Variants in DCHS2 observed in about 807,000 individuals in gnomAD.
DCHS2 encodes protocadherin-23.
In DCHS2, 142 loss-of-function variants were observed where a neutral mutation model predicts 182.4. The ratio of observed to expected loss-of-function variants is 0.78; its 90% CI spans 0.68 to 0.89. DCHS2 has a LOEUF of 0.89. DCHS2 is among the 40% of genes least tolerant of loss of function. DCHS2 has a pLI of 0.00. For missense variants in DCHS2, 4,319 were observed against 4,198.6 expected, an observed-to-expected ratio of 1.03 and a Z score of -0.79; for synonymous variants, 1,740 against 1,663.3, an observed-to-expected ratio of 1.05 and a Z score of -1.12.
At chr4:154,447,919 C>T (rs867118364) in intron 1 of DCHS2, among the ~76,000 whole-genome samples, 5 of 152,196 alleles carry the variant, frequency 3.3e-5, no homozygotes. Context: ...TCCTACGTTT[C>T]TCTCCATGCA....
At chr4:154,472,756 C>A (rs1022062627) in intron 1 of DCHS2, among the ~76,000 whole-genome samples, 4 of 151,934 alleles carry the variant, frequency 2.6e-5, no homozygotes, top group Non-Finnish European at 5.9e-5. Context: ...CCACCCTGCC[C>A]ACAATACACA....
intron 1 of DCHS2, chr4:154,384,597 G>A (rs1190343512): frequency 6.9e-7 from 1 of 1,446,358 alleles, no homozygotes; most frequent in Non-Finnish European, 9.2e-7. Context: ...ACATGATTAA[G>A]TTGAGGATTT....
At chr4:154,478,243 G>C (rs7674707) in intron 1 of DCHS2, among the ~76,000 whole-genome samples, 139,517 of 152,230 alleles carry the variant, frequency 0.92, 65,188 homozygotes, top group East Asian at 1. Context: ...AAGTCTTAAT[G>C]ATCTGAATCT....
intron 1 of DCHS2, among the ~76,000 whole-genome samples, chr4:154,412,270 G>A (rs541909629): frequency 1.4e-4 from 22 of 152,144 alleles, no homozygotes; most frequent in Non-Finnish European, 2.4e-4. Flanking sequence ...CTCTCTGAGC[G>A]CAGAGCAAAA....
At position 154,269,903 on chromosome 4, in the gene DCHS2, A is replaced by G; in HGVS notation, c.6574T>C (p.Ser2192Pro). The change falls in exon 14 of 20, where the codon TCA becomes CCA. Residue 2192 changes from serine (S) to proline (P), a missense_variant. By Grantham distance (74) the Ser-to-Pro change is moderately conservative (BLOSUM62 -1). Coordinates refer to ENST00000357232, the MANE Select transcript of DCHS2 (RefSeq NM_001358235.2). ...EDGVLSLCSK[S>P]GQLTVKEPKF... ...GTATAGGGTAGAGAAGGATTACCTG[A>G]CTTAGAGCACAGGGAAAGAACTCCA... 2 of 1,611,132 alleles carry G rather than the reference A, an allele frequency of 1.2e-6. No individual in the cohort carries two copies. The highest frequency in any genetic ancestry group is 8.5e-7 in the Non-Finnish European group (1 of 1,178,756).
rs188743056 is a variant in DCHS2 at position 154,427,620 on chromosome 4, A to G, written c.2053-50176T>C. ...TTTTAACAGAGGTAGCATCTGAGTT[A>G]TGTCTTGAAAGATGGGAAAATTTAG... On this transcript the variant is annotated intron_variant, in intron 1 of 19. Transcript: ENST00000357232. 3.8e-3 allele frequency among the ~76,000 whole-genome samples: 572 copies of G among 152,356 alleles called. 5 individuals are homozygous for G. The highest frequency in any genetic ancestry group is 0.013 in the African/African-American group (547 of 41,576).
rs746855879 is a variant in DCHS2 at position 154,332,697 on chromosome 4, G to A, written c.3511C>T (p.Gln1171Ter). Residue 1171 changes from glutamine (Q) to a stop codon, truncating the protein, a stop_gained, in exon 5 of 20, where the codon CAA becomes TAA. Transcript: ENST00000357232. LOFTEE classifies it high-confidence loss of function. Reference protein sequence around the residue: ...FAWIPEDGFLQNVSTTVIVRV... With the variant: ...FAWIPEDGFL ...ACAATGACTGTAGTGCTCACATTTT[G>A]CAAGAATCCGTCCTCGGGGATCCAA... 1.2e-6 allele frequency: 2 copies of A among 1,614,218 alleles called. No individual in the cohort carries two copies. The highest frequency in any genetic ancestry group is 1.7e-6 in the Non-Finnish European group (2 of 1,180,034).
intron 1 of DCHS2, among the ~76,000 whole-genome samples, chr4:154,385,582 G>C (rs1731375468): frequency 6.6e-6 from 1 of 152,038 alleles, no homozygotes; most frequent in African/African-American, 2.4e-5. Flanking sequence ...CCGCCTCCTG[G>C]GTTCAAGCGA....
chr4:154,315,167 T>C (rs2111323745), intron 10 of DCHS2, among the ~76,000 whole-genome samples: 1 of 152,308 alleles, frequency 6.6e-6, no homozygotes, highest in Middle Eastern at 3.4e-3. Flanking sequence ...TGTCAGACAC[T>C]GGTCTAAGCT....
At chr4:154,352,057 A>G (rs1432682650) in intron 3 of DCHS2, among the ~76,000 whole-genome samples, 2 of 151,176 alleles carry the variant, frequency 1.3e-5, no homozygotes, top group African/African-American at 4.8e-5. Flanking sequence ...AGACACATGC[A>G]CACACACACA....
Position 154,332,792 on chromosome 4 carries a change from G to T in DCHS2, c.3416C>A (p.Thr1139Lys). The T allele has an allele frequency of 6.2e-7, 1 of 1,614,228 alleles. No individual in the cohort carries two copies. The highest frequency in any genetic ancestry group is 8.5e-7 in the Non-Finnish European group (1 of 1,180,040). The change falls in exon 5 of 20, where the codon ACG becomes AAG. Residue 1139 changes from threonine to lysine, a missense_variant. Physicochemically the swap from Thr to Lys is moderately conservative, Grantham distance 78 (BLOSUM62 -1). Coordinates refer to ENST00000357232, the MANE Select transcript of DCHS2 (RefSeq NM_001358235.2). ...DSAMFGIRPY[T>K]GWIYLRRQFD... ...CTGTCGCCGCAAATAAATCCAGCCC[G>T]TGTAAGGGCGGATTCCAAACATAGC...
intron 4 of DCHS2, chr4:154,334,194 CA>C (rs1417304025): frequency 6.6e-6 from 1 of 152,538 alleles, no homozygotes; most frequent in Non-Finnish European, 1.5e-5. Context: ...CTATGAAGGG[CA>C]AATACTCTCC....
chr4:154,310,483 A>G (rs1735628035), intron 10 of DCHS2, among the ~76,000 whole-genome samples: 1 of 152,212 alleles, frequency 6.6e-6, no homozygotes, highest in South Asian at 2.1e-4. Flanking sequence ...TGAGAATGTT[A>G]GAGTGAACTT....
chr4:154,344,546 T>C (rs1209041286), intron 3 of DCHS2, among the ~76,000 whole-genome samples: 1 of 152,200 alleles, frequency 6.6e-6, no homozygotes, highest in Non-Finnish European at 1.5e-5. Context: ...TTAGTGGCTA[T>C]TTAATTAAAG....
chr4:154,362,113 AG>A (rs1319071903), intron 3 of DCHS2, among the ~76,000 whole-genome samples: 2 of 152,172 alleles, frequency 1.3e-5, no homozygotes, highest in Admixed American at 6.6e-5. Flanking sequence ...AAAAGGAAGA[AG>A]GAAAATTAAA....
At chr4:154,238,527 T>A (rs1394259967) in intron 19 of DCHS2, among the ~76,000 whole-genome samples, 1 of 152,180 alleles carries the variant, frequency 6.6e-6, no homozygotes, top group African/African-American at 2.4e-5. Context: ...CACTCACTGT[T>A]CAACTTTCTC....
rs1288613499 is a variant in DCHS2 at position 154,232,472 on chromosome 4, A to T, written c.*2064T>A. The T allele has an allele frequency of 1.3e-5, 2 of 152,164 alleles. No individual in the cohort carries two copies. The highest frequency in any genetic ancestry group is 6.6e-5 in the Admixed American group (1 of 15,244). The allele number at this position is 152,164 out of a possible 1,614,324, so 9.4% of individuals were successfully genotyped here. A position where few individuals can be genotyped will look rare whatever the true frequency, so the allele number is the denominator to read the frequency against. Reference sequence around the variant, plus strand: ...ATACAGAATCACATCCATAATGAGTAAATAAATCACAGTAATAAATAACTA... The same window carrying T: ...ATACAGAATCACATCCATAATGAGTTAATAAATCACAGTAATAAATAACTA... On this transcript the variant is annotated 3_prime_UTR_variant, in exon 20 of 20. Coordinates refer to ENST00000357232, the MANE Select transcript of DCHS2 (RefSeq NM_001358235.2).
chr4:154,384,457 A>G (rs146949664), intron 1 of DCHS2: 77 of 1,599,918 alleles, frequency 4.8e-5, no homozygotes, highest in African/African-American at 2.0e-4. Context: ...CCTCTTTTCA[A>G]TCCACACTGA....
chr4:154,342,045 AC>A (rs1430505758), intron 3 of DCHS2, among the ~76,000 whole-genome samples: 1 of 152,164 alleles, frequency 6.6e-6, no homozygotes, highest in Non-Finnish European at 1.5e-5. Context: ...TTTATTCCAG[AC>A]CACTGCAATA....
Sources: allele counts gnomAD v4.1 joint callset (sites outside exome capture counted in the v4.1 genomes callset), GRCh38; gene constraint gnomAD v4.1.1; transcripts MANE v1.5; gene names NCBI Gene and HGNC (gene_info 2026-07-23, HGNC 2026-07-21).